The following PRAG1 variants were observed in gnomAD, a reference collection of about 807,000 sequenced individuals.
PRAG1 encodes inactive tyrosine-protein kinase PRAG1.
In PRAG1, 110 loss-of-function variants were observed where a neutral mutation model predicts 95.6. That is an observed-to-expected ratio of 1.15 (90% CI 0.99 to 1.35). The LOEUF (loss-of-function observed/expected upper bound fraction) is 1.35. PRAG1 is among the 40% of genes most tolerant of loss of function. The probability of loss-of-function intolerance (pLI) is 0.00; values close to 1 mark genes in which losing one functional copy is unlikely to be tolerated. For synonymous variants in PRAG1, 1,052 were observed against 819.4 expected (o/e 1.28, Z -4.85); for missense variants, 2,554 against 1,864.7 (o/e 1.37, Z -6.81).
chr8:8,322,814 C>T (rs865778534), intron 5 of PRAG1, among the ~76,000 whole-genome samples: 4 of 152,128 alleles, frequency 2.6e-5, no homozygotes, highest in South Asian at 2.1e-4. Flanking sequence ...AATCCACCGA[C>T]GACTTGGAAG....
In PRAG1 at chr8:8,377,829, AG is replaced by A; in HGVS notation, c.579del (p.Ser194HisfsTer176). The A allele has an allele frequency of 6.8e-6, 11 of 1,614,052 alleles. No homozygotes were observed. Among genetic ancestry groups the A allele is most frequent in the Non-Finnish European group, 7.6e-6 (9 of 1,180,012 alleles). On this transcript the variant is annotated frameshift_variant, in exon 3 of 6. Transcript: ENST00000615670. LOFTEE classifies it high-confidence loss of function. ...GAGGGCCGGTCTTGGTAAGGAAATG[AG>A]GGTTTTTCTTTGTGCACAGCCTTCT... ...PEEKAVHKEK[P>X]SFPYQDRPST...
At chr8:8,363,388 A>C (rs1333557596) in intron 3 of PRAG1, among the ~76,000 whole-genome samples, 2 of 152,210 alleles carry the variant, frequency 1.3e-5, no homozygotes, top group Non-Finnish European at 2.9e-5. Flanking sequence ...CTCAACTTTT[A>C]AAAGGAAGGA....
rs1490496941 is a variant in PRAG1 at position 8,376,655 on chromosome 8, G to A, written c.1754C>T (p.Pro585Leu). Residue 585 changes from proline (P) to leucine (L), a missense_variant, in exon 3 of 6, where the codon CCC (proline) becomes CTC (leucine). By Grantham distance (98) the Pro-to-Leu change is moderately conservative (BLOSUM62 -3). Transcript: ENST00000615670. Reference protein sequence around the residue: ...DGSSGGSSIGPQPPSQGPADP... With the variant: ...DGSSGGSSIGLQPPSQGPADP... ...AGCAGGACCTTGGGATGGAGGCTGG[G>A]GCCCAATGCTGCTGCCGCCAGAGCT... 6.2e-7 allele frequency: 1 copy of A among 1,609,838 alleles called. No homozygotes were observed. The highest frequency in any genetic ancestry group is 8.5e-7 in the Non-Finnish European group (1 of 1,178,598).
At chr8:8,348,060 G>C (rs745668589) in intron 3 of PRAG1, among the ~76,000 whole-genome samples, 1 of 152,192 alleles carries the variant, frequency 6.6e-6, no homozygotes, top group South Asian at 2.1e-4. Context: ...GGGACTACAG[G>C]TGCATGCCAC....
chr8:8,341,458 C>T (rs920875153), intron 3 of PRAG1, among the ~76,000 whole-genome samples: 2 of 152,136 alleles, frequency 1.3e-5, no homozygotes, highest in South Asian at 2.1e-4. Context: ...CAATACTAAG[C>T]GTATATTTAC....
chr8:8,353,018 C>T (rs999696335), intron 3 of PRAG1, among the ~76,000 whole-genome samples: 3 of 151,942 alleles, frequency 2.0e-5, no homozygotes, highest in African/African-American at 7.3e-5. Flanking sequence ...CAAGAGGACA[C>T]AACAATTGTA....
intron 3 of PRAG1, among the ~76,000 whole-genome samples, chr8:8,358,432 C>T (rs1799747226): frequency 2.6e-5 from 4 of 152,286 alleles, no homozygotes; most frequent in African/African-American, 9.6e-5. Context: ...ACTTAACCTT[C>T]AGCCTCTCTC....
chr8:8,344,438 T>G (rs1017109557), intron 3 of PRAG1, among the ~76,000 whole-genome samples: 1 of 152,214 alleles, frequency 6.6e-6, no homozygotes, highest in African/African-American at 2.4e-5. Flanking sequence ...TATACATGTT[T>G]TACGGAGCAC....
At chr8:8,366,002 C>T (rs1306863818) in intron 3 of PRAG1, among the ~76,000 whole-genome samples, 2 of 150,972 alleles carry the variant, frequency 1.3e-5, no homozygotes, top group Non-Finnish European at 2.9e-5. Flanking sequence ...AACAAACAAA[C>T]AAAATAAGGC....
Position 8,376,304 on chromosome 8 carries a change from G to A in PRAG1, c.2105C>T (p.Pro702Leu), listed in dbSNP as rs369337652. The change falls in exon 3 of 6, where the codon CCC becomes CTC. Residue 702 changes from proline (P) to leucine (L), a missense_variant. Coordinates refer to ENST00000615670, the MANE Select transcript of PRAG1 (RefSeq NM_001080826.3). The stretch of plus-strand genomic sequence containing the variant: ...TGTCTCAATCCCACTTCTGTCCTTG[G>A]GGAACTCAAAGGCAAAAGAGGCGGA... The part of the protein sequence containing the change: ...SKSASFAFEF[P>L]KDRSGIETFS... 3.7e-6 allele frequency: 6 copies of A among 1,614,036 alleles called. No homozygotes were observed. The African/African-American group carries it at 4.0e-5, about 11-fold the overall frequency.
intron 3 of PRAG1, among the ~76,000 whole-genome samples, chr8:8,373,411 C>T (rs2979131): frequency 0.19 from 29,000 of 150,848 alleles, 3,334 homozygotes; most frequent in Middle Eastern, 0.33. Flanking sequence ...AAATAAGATG[C>T]TCTTGTTTTT....
intron 3 of PRAG1, among the ~76,000 whole-genome samples, chr8:8,368,196 G>C (rs1800075535): frequency 1.3e-5 from 2 of 152,174 alleles, no homozygotes; most frequent in Non-Finnish European, 2.9e-5. Context: ...AAATATCTGA[G>C]AACAAAAATG....
At chr8:8,338,377 G>T (rs933269745) in intron 4 of PRAG1, among the ~76,000 whole-genome samples, 3 of 152,192 alleles carry the variant, frequency 2.0e-5, no homozygotes, top group African/African-American at 4.8e-5. Context: ...CCCAGAACTG[G>T]TTACAATCTC....
At position 8,378,046 on chromosome 8, in the gene PRAG1, G is replaced by C. The variant is rs372329761; in HGVS notation, c.363C>G (p.Pro121=). 6.4e-6 allele frequency: 10 copies of C among 1,552,538 alleles called. No individual in the cohort carries two copies. The highest frequency in any genetic ancestry group is 8.7e-6 in the Non-Finnish European group (10 of 1,149,732). ...CGGGGGCATCCTCCTGCTTCGGGAGGGGGAGCTTGCCAGGGGCTCGTCTCC... is the reference window on the plus strand; with the variant it reads ...CGGGGGCATCCTCCTGCTTCGGGAGCGGGAGCTTGCCAGGGGCTCGTCTCC... ...VIWRRAPGKL[P]LPKQEDAPVV... The change falls in exon 3 of 6, where the codon CCC becomes CCG. Residue 121 remains proline (P), a synonymous_variant. Transcript: ENST00000615670.
At chr8:8,364,647 T>C (rs1436512026) in intron 3 of PRAG1, among the ~76,000 whole-genome samples, 1 of 152,058 alleles carries the variant, frequency 6.6e-6, no homozygotes, top group East Asian at 1.9e-4. Context: ...TATGACACTA[T>C]ATGGCAGGAT....
At chr8:8,358,999 TA>T (rs1314750309) in intron 3 of PRAG1, among the ~76,000 whole-genome samples, 1 of 152,232 alleles carries the variant, frequency 6.6e-6, no homozygotes, top group African/African-American at 2.4e-5. Flanking sequence ...ATATTGTAGT[TA>T]AAGTATATGT....
At chr8:8,331,123 C>T (rs1798806204) in intron 4 of PRAG1, among the ~76,000 whole-genome samples, 1 of 152,198 alleles carries the variant, frequency 6.6e-6, no homozygotes, top group Non-Finnish European at 1.5e-5. Context: ...ATGCTTTCAT[C>T]AGTGCCCTCA....
chr8:8,381,224 C>G (rs140892459), intron 2 of PRAG1, among the ~76,000 whole-genome samples, 194 bp downstream of exon 2: 10 of 152,194 alleles, frequency 6.6e-5, no homozygotes, highest in African/African-American at 2.4e-4. Context: ...ATTAATGATT[C>G]TTAGCCTAAA....
chr8:8,379,700 G>A (rs1345943203), intron 2 of PRAG1, among the ~76,000 whole-genome samples: 1 of 152,224 alleles, frequency 6.6e-6, no homozygotes, highest in African/African-American at 2.4e-5. Flanking sequence ...GTAGCAAGCA[G>A]TTCCTAGGAT....
Sources: gnomAD v4.1 joint callset for allele counts (sites outside exome capture counted in the v4.1 genomes callset) on GRCh38, gnomAD v4.1.1 for gene constraint, MANE v1.5 for transcripts, NCBI Gene and HGNC (gene_info 2026-07-23, HGNC 2026-07-21) for gene names.